UMODL1: variants seen among roughly 807,000 people sequenced by gnomAD.
The protein encoded by UMODL1 is uromodulin-like 1.
Under a neutral mutation model 136.3 loss-of-function variants are expected in UMODL1, and 128 were observed. The ratio of observed to expected loss-of-function variants is 0.94; its 90% CI spans 0.81 to 1.09. UMODL1 has a LOEUF of 1.09. UMODL1 is among the 50% of genes least tolerant of loss of function. The pLI is 0.00. For synonymous variants in UMODL1, 721 were observed against 720.0 expected, an observed-to-expected ratio of 1.00 and a Z score of -0.02; for missense variants, 1,766 against 1,725.6, an observed-to-expected ratio of 1.02 and a Z score of -0.41.
intron 17 of UMODL1, 91 bp from the exon 18 acceptor site, chr21:42,126,254 C>T (rs2067051295): frequency 6.4e-7 from 1 of 1,551,240 alleles, no homozygotes; most frequent in Admixed American, 1.9e-5. Flanking sequence ...GAAGAACCCC[C>T]ATCCCCCCAG....
At chr21:42,116,491 A>AG (rs1283289172) in intron 14 of UMODL1, among the ~76,000 whole-genome samples, 16 of 152,200 alleles carry the variant, frequency 1.1e-4, no homozygotes, top group African/African-American at 3.9e-4. Context: ...GCCCCGGCGA[A>AG]GACACGGTTA....
At chr21:42,082,082 G>A (rs2066368804) in intron 2 of UMODL1, among the ~76,000 whole-genome samples, 2 of 152,238 alleles carry the variant, frequency 1.3e-5, no homozygotes, top group Non-Finnish European at 2.9e-5. Flanking sequence ...GCGGCTGAGA[G>A]GAATGCCCAC....
intron 1 of UMODL1, among the ~76,000 whole-genome samples, chr21:42,063,924 C>T (rs1187281119): frequency 1.3e-5 from 2 of 152,200 alleles, no homozygotes; most frequent in Admixed American, 6.5e-5. Flanking sequence ...CACCCTGCGG[C>T]CCCCCAGTTT....
At chr21:42,078,122 C>A (rs543201876) in intron 2 of UMODL1, among the ~76,000 whole-genome samples, 2 of 152,274 alleles carry the variant, frequency 1.3e-5, no homozygotes, top group South Asian at 2.1e-4. Flanking sequence ...ATAACCAACA[C>A]CTCCATCACC....
Position 42,127,240 on chromosome 21 carries a change from C to T in UMODL1, c.3528C>T (p.Asn1176=), listed in dbSNP as rs1345687294. ...CCATCACCTTCAGCTTCATTAACAA[C>T]AGGTAGGGCTCAGGAGTGCAGGCAC... ...RDPITFSFIN[N]SCPVPNTYTN... is the part of the protein sequence containing the mutation. The change falls in exon 19 of 23, where the codon AAC becomes AAT. Residue 1176 remains asparagine, a splice_region_variant and synonymous_variant. Transcript: ENST00000408910. 1 of 1,613,836 alleles carries T rather than the reference C, an allele frequency of 6.2e-7. No homozygotes were observed. Among genetic ancestry groups the T allele is most frequent in the Non-Finnish European group, 8.5e-7 (1 of 1,179,866 alleles).
At position 42,084,103 on chromosome 21, in the gene UMODL1, G is replaced by C. The variant is rs2066395084; in HGVS notation, c.339G>C (p.Gln113His). 3.1e-6 allele frequency: 5 copies of C among 1,614,010 alleles called. No individual in the cohort carries two copies. In the African/African-American group the frequency reaches 6.7e-5, roughly 22 times the overall value. Residue 113 changes from glutamine to histidine, a missense_variant, in exon 3 of 23, where the codon CAG (glutamine) becomes CAC (histidine). Gln to His is a conservative substitution (Grantham distance 24). Transcript: ENST00000408910. ...YCVLPLNQSG[Q>H]FTSRPGACPA... ...TCCCAGCCCTGAATCAGTCCGGGCA[G>C]TTCACGTCAAGACCTGGGGCCTGCC...
Position 42,137,643 on chromosome 21 carries a change from TGGG to T in UMODL1, c.*21+3_*21+5del. The T allele has an allele frequency of 1.4e-5, 8 of 572,984 alleles. No homozygotes were observed. Among genetic ancestry groups the T allele is most frequent in the Non-Finnish European group, 1.9e-5 (8 of 430,720 alleles). The allele number at this position is 572,984 out of a possible 1,614,324, so 35.5% of individuals were successfully genotyped here. ...TAGGAGGCGCAGGCTGACAGGAAGG[TGGG>T]TGCGGAGTGGGGTGGGAGGTGCAGG... On this transcript the variant is annotated splice_donor_5th_base_variant and intron_variant, in intron 22 of 22. Transcript: ENST00000408910.
In UMODL1 at chr21:42,113,826, G is replaced by A; in HGVS notation, c.2358G>A (p.Arg786=). The A allele has an allele frequency of 6.2e-7, 1 of 1,612,628 alleles. No homozygotes were observed. The highest frequency in any genetic ancestry group is 1.1e-5 in the South Asian group (1 of 90,942). The part of the protein sequence containing the change: ...KEGARAHLKV[R]TAARKLIGKV... ...GTGCCAGAGCTCATCTGAAAGTGAG[G>A]ACAGGTAATGGGCTTCCATTTGTTT... Residue 786 remains arginine, a synonymous_variant, in exon 13 of 23, where the codon AGG becomes AGA. Coordinates refer to ENST00000408910, the MANE Select transcript of UMODL1 (RefSeq NM_001004416.3).
upstream of UMODL1, among the ~76,000 whole-genome samples, chr21:42,069,229 AACACACACACACAC>A (rs61712292): frequency 7.3e-6 from 1 of 136,304 alleles, no homozygotes; most frequent in African/African-American, 2.7e-5. Context: ...CACAGACAGA[AACACACACACACAC>A]ACACACACAC....
chr21:42,065,065 G>C (rs1008313281), intron 1 of UMODL1, among the ~76,000 whole-genome samples: 11 of 152,144 alleles, frequency 7.2e-5, no homozygotes, highest in African/African-American at 2.7e-4. Flanking sequence ...CCTGATTCGA[G>C]GTAGAGGCAA....
At position 42,090,569 on chromosome 21, in the gene UMODL1, A is replaced by G. The variant is rs1047852668; in HGVS notation, c.931+131A>G. 6 of 1,221,408 alleles carry G rather than the reference A, an allele frequency of 4.9e-6. No individual in the cohort carries two copies. The African/African-American group carries it at 7.6e-5, about 16-fold the overall frequency. 75.7% of individuals were successfully genotyped at this position (1,221,408 alleles called of 1,614,324 possible). A position where few individuals can be genotyped will look rare whatever the true frequency, so the allele number is the denominator to read the frequency against. ...CTCTGCCATGAAATATCTTGCTTTT[A>G]TTATTATTTTCGCATCACTGTGGTA... is the stretch of plus-strand genomic sequence containing the variant. On this transcript the variant is annotated intron_variant, in intron 6 of 22. Transcript: ENST00000408910.
In UMODL1 at chr21:42,076,026, G is replaced by A; in HGVS notation, c.98G>A (p.Gly33Asp). The change falls in exon 2 of 23, where the codon GGC becomes GAC. Residue 33 changes from glycine to aspartate, a missense_variant. Gly to Asp is a moderately conservative substitution (Grantham distance 94). Coordinates refer to ENST00000408910, the MANE Select transcript of UMODL1 (RefSeq NM_001004416.3). ...GFTEKGLSLL[G>D]YQLCSHRVTH... ...TCAGAAAAAGGCCTCTCCCTGTTGG[G>A]CTACCAGCTATGCAGCCACCGTGTG... 6.2e-7 allele frequency: 1 copy of A among 1,614,076 alleles called. No homozygotes were observed. The highest frequency in any genetic ancestry group is 8.5e-7 in the Non-Finnish European group (1 of 1,179,924).
At chr21:42,098,595 C>CATTTTA (rs2066586398) in intron 6 of UMODL1, among the ~76,000 whole-genome samples, 1 of 149,910 alleles carries the variant, frequency 6.7e-6, no homozygotes. Flanking sequence ...GGTGAAACCC[C>CATTTTA]GTCTCTACTA....
At chr21:42,133,262 G>A (rs866026384) in intron 21 of UMODL1, among the ~76,000 whole-genome samples, 24 of 152,284 alleles carry the variant, frequency 1.6e-4, no homozygotes, top group African/African-American at 4.6e-4. Context: ...CGCTATCCGC[G>A]GCCTCTGAGA....
Position 42,079,583 on chromosome 21 carries a change from G to C in UMODL1, c.319+3336G>C, listed in dbSNP as rs184894267. 2.8e-3 allele frequency among the ~76,000 whole-genome samples: 426 copies of C among 152,340 alleles called. 5 individuals are homozygous for C. The highest frequency in any genetic ancestry group is 0.011 in the East Asian group (58 of 5,188). On this transcript the variant is annotated intron_variant, in intron 2 of 22. Coordinates refer to ENST00000408910, the MANE Select transcript of UMODL1 (RefSeq NM_001004416.3). ...AAGGCTCACTCTGGCACAGTGAAGA[G>C]GGGGCAGATCTAGAAGGAGGAAGGA...
In UMODL1 at chr21:42,105,022, C is replaced by G. The variant is rs376282107; in HGVS notation, c.1519+935C>G. ...CTGGTCGTCTCCCGGGGTGCTGGGT[C>G]TTGGAGCTCAGCCACGTGCTGGCTT... On this transcript the variant is annotated intron_variant, in intron 9 of 22. Transcript: ENST00000408910. 1.3e-3 allele frequency among the ~76,000 whole-genome samples: 197 copies of G among 152,328 alleles called. 4 individuals are homozygous for G. The South Asian group carries it at 0.04, about 31-fold the overall frequency.
intron 16 of UMODL1, among the ~76,000 whole-genome samples, chr21:42,121,496 A>T (rs1199184795): frequency 6.6e-6 from 1 of 152,162 alleles, no homozygotes; most frequent in Non-Finnish European, 1.5e-5. Context: ...TCTGATATCC[A>T]TGGAGAGAAA....
At chr21:42,079,834 G>A (rs943479393) in intron 2 of UMODL1, among the ~76,000 whole-genome samples, 24 of 152,336 alleles carry the variant, frequency 1.6e-4, no homozygotes, top group African/African-American at 5.8e-4. Context: ...ATTTTTGGGG[G>A]TTTACCAAGC....
Position 42,122,904 on chromosome 21 carries a change from C to T in UMODL1, c.2901C>T (p.Ala967=), listed in dbSNP as rs2066995784. The change falls in exon 17 of 23, where the codon GCC becomes GCT. Residue 967 remains alanine (A), a synonymous_variant. Transcript: ENST00000408910. This position sits in a 1 kb window ranked among gnomAD's most constrained non-coding sequence, Gnocchi z 4.3. ...TCACCACAGCAGGGACCAAGGCTGC[C>T]TTTGTGCAAGGCACCAGCCCCACCC... ...RPLTTAGTKA[A]FVQGTSPTPQ... The T allele has an allele frequency of 6.2e-7, 1 of 1,613,912 alleles. No homozygotes were observed. The highest frequency in any genetic ancestry group is 1.1e-5 in the South Asian group (1 of 91,084).
Sources: gnomAD v4.1 joint callset for allele counts (sites outside exome capture counted in the v4.1 genomes callset) on GRCh38, gnomAD v4.1.1 for gene constraint, Gnocchi (gnomAD v3.1) non-coding constraint, MANE v1.5 for transcripts, NCBI Gene and HGNC (gene_info 2026-07-23, HGNC 2026-07-21) for gene names.